The following SRPK2 variants were observed in gnomAD, a reference collection of about 807,000 sequenced individuals.
SRPK2 encodes SRSF protein kinase 2.
Under a neutral mutation model 90.8 loss-of-function variants are expected in SRPK2, and 21 were observed. The ratio of observed to expected loss-of-function variants is 0.23; its 90% CI spans 0.16 to 0.33. The LOEUF is 0.33. SRPK2 is among the 10% of genes least tolerant of loss of function. The pLI, the probability that SRPK2 is intolerant of heterozygous loss-of-function variation, is 1.00. For synonymous variants in SRPK2, 288 were observed against 311.1 expected, an observed-to-expected ratio of 0.93 and a Z score of 0.78; for missense variants, 620 against 869.0, an observed-to-expected ratio of 0.71 and a Z score of 3.60.
Position 105,270,891 on chromosome 7 carries a change from G to A in SRPK2, c.72-67106C>T, listed in dbSNP as rs148243897. Among the ~76,000 whole-genome samples, 783 of 152,234 alleles carry A rather than the reference G, an allele frequency of 5.1e-3. 12 individuals are homozygous for A. The East Asian group carries it at 0.055, about 11-fold the overall frequency. ...GCCTGGGATGCCATGAGCCCTCCCTGCTTCATCTCTCAATAAATATTTACT... is the reference window on the plus strand; with the variant it reads ...GCCTGGGATGCCATGAGCCCTCCCTACTTCATCTCTCAATAAATATTTACT... On this transcript the variant is annotated intron_variant, in intron 2 of 15. Coordinates refer to ENST00000393651, the MANE Select transcript of SRPK2 (RefSeq NM_182692.3).
At chr7:105,363,150 ACGTTGTGCACATGTACC>A (rs1818628058) in intron 2 of SRPK2, among the ~76,000 whole-genome samples, 1 of 152,196 alleles carries the variant, frequency 6.6e-6, no homozygotes, top group Admixed American at 6.6e-5. Flanking sequence ...ATAAAGCTGC[ACGTTGTGCACATGTACC>A]CTAGAACTTA....
chr7:105,364,293 C>G (rs1449303466), intron 2 of SRPK2, among the ~76,000 whole-genome samples: 2 of 152,042 alleles, frequency 1.3e-5, no homozygotes, highest in East Asian at 1.9e-4. Context: ...ATTGCTTTTT[C>G]TGTAACAACA....
chr7:105,270,381 C>A (rs1206397324), intron 2 of SRPK2, among the ~76,000 whole-genome samples: 1 of 150,332 alleles, frequency 6.7e-6, no homozygotes, highest in African/African-American at 2.4e-5. Flanking sequence ...TCAGACTCTG[C>A]CTTGGATTTA....
chr7:105,132,737 G>A lies in SRPK2; in HGVS notation c.1752+54C>T, dbSNP rs555403016. The A allele has an allele frequency of 1.2e-5, 17 of 1,401,506 alleles. No individual in the cohort carries two copies. In the East Asian group the frequency reaches 3.7e-4, roughly 30 times the overall value. The allele number at this position is 1,401,506 out of a possible 1,614,324, so 86.8% of individuals were successfully genotyped here. On this transcript the variant is annotated intron_variant, in intron 13 of 15. Transcript: ENST00000393651. ...TCAGAGAGACTCAGCCCCATCCAGA[G>A]TGTGAAAGGAACGAGCCAATTCCCA...
chr7:105,331,323 A>AAAAAAAAAAAC (rs1814332709), intron 2 of SRPK2, among the ~76,000 whole-genome samples: 1 of 131,734 alleles, frequency 7.6e-6, no homozygotes, highest in African/African-American at 2.7e-5. Context: ...AAAAAAAAAA[A>AAAAAAAAAAAC]AAAAAAAAAA....
At chr7:105,164,683 T>C (rs1382643538) in intron 6 of SRPK2, among the ~76,000 whole-genome samples, 2 of 152,206 alleles carry the variant, frequency 1.3e-5, no homozygotes, top group African/African-American at 4.8e-5. Flanking sequence ...CATGGTGACA[T>C]TCCCTTGTAT....
chr7:105,303,088 G>A (rs1286285685), intron 2 of SRPK2, among the ~76,000 whole-genome samples: 1 of 152,008 alleles, frequency 6.6e-6, no homozygotes, highest in African/African-American at 2.4e-5. Context: ...AAAAAGGTGG[G>A]GGGGAGAAAA....
At position 105,357,190 on chromosome 7, in the gene SRPK2, C is replaced by T. The variant is rs1817875842; in HGVS notation, c.71+31458G>A. Among the ~76,000 whole-genome samples, 5 of 152,180 alleles carry T rather than the reference C, an allele frequency of 3.3e-5. No individual in the cohort carries two copies. In the South Asian group the frequency reaches 1.0e-3, roughly 32 times the overall value. ...TAGCTGGGACTACAGGCGCCCACCACCACGCCTGGCTAATTTTTTGTATTT... is the reference window on the plus strand; with the variant it reads ...TAGCTGGGACTACAGGCGCCCACCATCACGCCTGGCTAATTTTTTGTATTT... On this transcript the variant is annotated intron_variant, in intron 2 of 15. Transcript: ENST00000393651.
intron 2 of SRPK2, among the ~76,000 whole-genome samples, chr7:105,266,900 A>G (rs983771516): frequency 6.6e-6 from 1 of 152,170 alleles, no homozygotes; most frequent in African/African-American, 2.4e-5. Context: ...GGCAAGGGAG[A>G]GTACCTTCTT....
chr7:105,325,621 G>A (rs531045068), intron 2 of SRPK2, among the ~76,000 whole-genome samples: 1 of 150,274 alleles, frequency 6.7e-6, no homozygotes, highest in Non-Finnish European at 1.5e-5. Context: ...ACTTTAGGAG[G>A]CTTAGGCAGG....
chr7:105,332,618 G>A (rs1022732948), intron 2 of SRPK2, among the ~76,000 whole-genome samples: 1 of 151,812 alleles, frequency 6.6e-6, no homozygotes, highest in Admixed American at 6.6e-5. Flanking sequence ...ACAAAACTTA[G>A]CAAGGTGTGG....
chr7:105,244,365 T>C (rs1467403826), intron 2 of SRPK2, among the ~76,000 whole-genome samples: 3 of 152,164 alleles, frequency 2.0e-5, no homozygotes, highest in Non-Finnish European at 4.4e-5. Flanking sequence ...AGGTCAGGAA[T>C]TCAATACCAG....
intron 2 of SRPK2, among the ~76,000 whole-genome samples, chr7:105,373,314 T>C (rs1055289362): frequency 1.3e-5 from 2 of 151,948 alleles, no homozygotes; most frequent in African/African-American, 2.4e-5. Flanking sequence ...TCAAATCTCA[T>C]TCTCCTTAGA....
intron 2 of SRPK2, among the ~76,000 whole-genome samples, chr7:105,208,731 T>G (rs1796501789): frequency 2.6e-5 from 4 of 152,202 alleles, no homozygotes; most frequent in Admixed American, 2.6e-4. Flanking sequence ...TGGTGATGGT[T>G]GTACAATTCT....
At chr7:105,276,831 A>G (rs1480923915) in intron 2 of SRPK2, among the ~76,000 whole-genome samples, 7 of 152,204 alleles carry the variant, frequency 4.6e-5, no homozygotes, top group Non-Finnish European at 8.8e-5. Context: ...ATGCCTCAGC[A>G]GGCTTCAAAA....
intron 2 of SRPK2, among the ~76,000 whole-genome samples, chr7:105,321,327 A>C (rs1202390612): frequency 6.6e-6 from 1 of 152,242 alleles, no homozygotes; most frequent in Non-Finnish European, 1.5e-5. Context: ...AAATAAACTT[A>C]AAATCGACAA....
rs1801304926 is a variant in SRPK2 at position 105,126,990 on chromosome 7, C to T, written c.1822+3G>A. The T allele has an allele frequency of 1.9e-6, 3 of 1,614,158 alleles. No homozygotes were observed. Among genetic ancestry groups the T allele is most frequent in the Non-Finnish European group, 2.5e-6 (3 of 1,179,998 alleles). On this transcript the variant is annotated splice_donor_region_variant and intron_variant, in intron 14 of 15. Coordinates refer to ENST00000393651, the MANE Select transcript of SRPK2 (RefSeq NM_182692.3). ...GAGGTATTCAGCAGGCACCAATACT[C>T]ACCTTCGTCTCTGGAATAGTCTTCC...
At chr7:105,348,873 G>C (rs909526707) in intron 2 of SRPK2, among the ~76,000 whole-genome samples, 1 of 151,986 alleles carries the variant, frequency 6.6e-6, no homozygotes. Context: ...GCAGCCGGGC[G>C]CAGTGGCTCA....
intron 2 of SRPK2, among the ~76,000 whole-genome samples, chr7:105,320,744 CT>C (rs1274526413): frequency 2.6e-5 from 4 of 152,096 alleles, no homozygotes; most frequent in Non-Finnish European, 5.9e-5. Flanking sequence ...AGGTTGCAAA[CT>C]TTTTTTGTGA....
Sources: gnomAD v4.1 joint callset for allele counts (sites outside exome capture counted in the v4.1 genomes callset) on GRCh38, gnomAD v4.1.1 for gene constraint, MANE v1.5 for transcripts, NCBI Gene and HGNC (gene_info 2026-07-23, HGNC 2026-07-21) for gene names.